UBQLN1: variants seen among roughly 807,000 people sequenced by gnomAD.
UBQLN1 encodes ubiquilin-1.
Under a neutral mutation model 65.4 loss-of-function variants are expected in UBQLN1, and 13 were observed. The ratio of observed to expected loss-of-function variants is 0.20; its 90% CI spans 0.13 to 0.32. The LOEUF is 0.32. Among genes scored for constraint, UBQLN1 ranks in the 10% least tolerant of loss-of-function variants. The pLI, the probability that UBQLN1 is intolerant of heterozygous loss-of-function variation, is 1.00. For missense variants in UBQLN1, 561 were observed against 724.0 expected (o/e 0.77, Z 2.58); for synonymous variants, 267 against 247.8 (o/e 1.08, Z -0.73).
intron 2 of UBQLN1, among the ~76,000 whole-genome samples, chr9:83,684,791 C>T (rs905081606): frequency 1.1e-5 from 1 of 94,650 alleles, no homozygotes; most frequent in Non-Finnish European, 2.1e-5. Flanking sequence ...GCCTGGGCAA[C>T]AAGAGTGAAA....
intron 10 of UBQLN1, among the ~76,000 whole-genome samples, chr9:83,662,307 C>G (rs1349273822): frequency 7.1e-6 from 1 of 140,530 alleles, no homozygotes; most frequent in African/African-American, 2.7e-5. Flanking sequence ...CACACACACA[C>G]ACACACAGAT....
At chr9:83,707,451 G>T (rs1832431067) in intron 1 of UBQLN1, 49 bp downstream of exon 1, 2 of 1,548,152 alleles carry the variant, frequency 1.3e-6, no homozygotes, top group Non-Finnish European at 1.7e-6. Context: ...GCGGCGGGCG[G>T]AGGTCCTGCC....
chr9:83,676,070 C>T (rs1393662958), intron 6 of UBQLN1, among the ~76,000 whole-genome samples: 1 of 152,150 alleles, frequency 6.6e-6, no homozygotes, highest in Non-Finnish European at 1.5e-5. Flanking sequence ...AACTCCTGCT[C>T]TAACACTTCC....
At chr9:83,693,143 A>G (rs2131178291) in intron 1 of UBQLN1, among the ~76,000 whole-genome samples, 1 of 152,360 alleles carries the variant, frequency 6.6e-6, no homozygotes, top group Admixed American at 6.5e-5. Flanking sequence ...CTCTTTCTCA[A>G]CAACCATAAG....
At chr9:83,663,086 A>C (rs1192670647) in intron 10 of UBQLN1, among the ~76,000 whole-genome samples, 2 of 146,010 alleles carry the variant, frequency 1.4e-5, no homozygotes, top group African/African-American at 5.0e-5. Flanking sequence ...AAAAAAAGGG[A>C]AAGGCAAAGA....
At chr9:83,680,180 A>C in intron 3 of UBQLN1, 143 bp from the exon 4 acceptor site, 1 of 912,394 alleles carries the variant, frequency 1.1e-6, no homozygotes, top group East Asian at 2.7e-5. Flanking sequence ...TCGAATACCT[A>C]TTACTAATAT....
chr9:83,680,628 A>C (rs1201954332), intron 3 of UBQLN1, among the ~76,000 whole-genome samples: 2 of 152,200 alleles, frequency 1.3e-5, no homozygotes, highest in African/African-American at 4.8e-5. Flanking sequence ...GGAACCTTTG[A>C]GCCCAACTTC....
At chr9:83,695,504 T>G (rs1422852059) in intron 1 of UBQLN1, among the ~76,000 whole-genome samples, 1 of 152,232 alleles carries the variant, frequency 6.6e-6, no homozygotes, top group Admixed American at 6.5e-5. Flanking sequence ...AGTCCCCTTT[T>G]TTATACTTTT....
In UBQLN1 at chr9:83,704,983, G is replaced by T. The variant is rs1029601034; in HGVS notation, c.180+2517C>A. Reference sequence around the variant, plus strand: ...GGAATTTTTCTATTTATAAAATACTGATTATTTCTAATCTTTTGCAGTAAA... The same window carrying T: ...GGAATTTTTCTATTTATAAAATACTTATTATTTCTAATCTTTTGCAGTAAA... On this transcript the variant is annotated intron_variant, in intron 1 of 10. Transcript: ENST00000376395. 7.9e-5 allele frequency among the ~76,000 whole-genome samples: 12 copies of T among 152,128 alleles called. No individual in the cohort carries two copies. The South Asian group carries it at 2.1e-3, about 26-fold the overall frequency.
chr9:83,664,135 T>C, intron 9 of UBQLN1, 92 bp from the exon 10 acceptor site: 1 of 1,419,458 alleles, frequency 7.0e-7, no homozygotes, highest in Non-Finnish European at 9.5e-7. Flanking sequence ...AGCTAAGCCA[T>C]CTTCTTAAAA....
At chr9:83,674,349 T>C (rs1405646205) in intron 6 of UBQLN1, among the ~76,000 whole-genome samples, 1 of 152,100 alleles carries the variant, frequency 6.6e-6, no homozygotes, top group East Asian at 1.9e-4. Context: ...GAATACAACA[T>C]ATATAAGCAC....
At chr9:83,667,650 T>C (rs1331218095) in intron 7 of UBQLN1, 1 of 985,258 alleles carries the variant, frequency 1.0e-6, no homozygotes, top group Admixed American at 6.1e-5. Flanking sequence ...ATCACACATA[T>C]CTTTTGGAAT....
intron 1 of UBQLN1, among the ~76,000 whole-genome samples, chr9:83,686,640 C>T (rs775996344): frequency 2.6e-5 from 4 of 152,154 alleles, no homozygotes; most frequent in Admixed American, 1.3e-4. Context: ...GCTCTTACCA[C>T]GTCCAAAATA....
At chr9:83,704,157 C>T (rs1832358083) in intron 1 of UBQLN1, among the ~76,000 whole-genome samples, 1 of 152,080 alleles carries the variant, frequency 6.6e-6, no homozygotes, top group Non-Finnish European at 1.5e-5. Flanking sequence ...TAAATATTTC[C>T]CAATTTCTAA....
intron 8 of UBQLN1, 149 bp from the exon 9 acceptor site, chr9:83,665,294 C>T (rs1831626295): frequency 2.0e-6 from 1 of 510,450 alleles, no homozygotes; most frequent in Non-Finnish European, 3.4e-6. Context: ...AAAATAAACG[C>T]AAGTATCTCC....
intron 1 of UBQLN1, among the ~76,000 whole-genome samples, chr9:83,704,808 G>A (rs1173545315): frequency 5.1e-5 from 6 of 117,804 alleles, no homozygotes; most frequent in Admixed American, 1.1e-4. Context: ...CCTGGGGGGT[G>A]ACAGAGACTC....
In UBQLN1 at chr9:83,707,872, C is replaced by A. The variant is rs542721113; in HGVS notation, c.-193G>T. The A allele has an allele frequency of 3.8e-6, 3 of 792,336 alleles. No individual in the cohort carries two copies. Among genetic ancestry groups the A allele is most frequent in the African/African-American group, 1.8e-5 (1 of 54,234 alleles). 49.1% of individuals were successfully genotyped at this position (792,336 alleles called of 1,614,324 possible). A position where few individuals can be genotyped will look rare whatever the true frequency, so the allele number is the denominator to read the frequency against. The stretch of plus-strand genomic sequence containing the variant: ...AGCTCGGTGCAGGCTCTGGCGCAGG[C>A]CCGGGTCAGGCGCTCGGCAGCCGCC... On this transcript the variant is annotated 5_prime_UTR_variant, in exon 1 of 11. Coordinates refer to ENST00000376395, the MANE Select transcript of UBQLN1 (RefSeq NM_013438.5).
At chr9:83,662,866 G>C (rs1195941788) in intron 10 of UBQLN1, among the ~76,000 whole-genome samples, 1 of 152,188 alleles carries the variant, frequency 6.6e-6, no homozygotes, top group Non-Finnish European at 1.5e-5. Context: ...CTTGAGCTCA[G>C]GAGTTTGAGA....
chr9:83,681,613 TACAAAAAGC>T (rs1203876149), intron 3 of UBQLN1, among the ~76,000 whole-genome samples: 3 of 152,178 alleles, frequency 2.0e-5, no homozygotes, highest in Non-Finnish European at 4.4e-5. Flanking sequence ...GAACACCATA[TACAAAAAGC>T]ACAAAAATAA....
Sources: gnomAD v4.1 joint callset for allele counts (sites outside exome capture counted in the v4.1 genomes callset) on GRCh38, gnomAD v4.1.1 for gene constraint, MANE v1.5 for transcripts, NCBI Gene and HGNC (gene_info 2026-07-23, HGNC 2026-07-21) for gene names.